The following ACACA variants were observed in gnomAD, a reference collection of about 807,000 sequenced individuals.
ACACA encodes acetyl-CoA carboxylase 1.
ACACA carries 103 observed loss-of-function variants against 296.1 expected under a neutral mutation model. The ratio of observed to expected loss-of-function variants is 0.35; its 90% CI spans 0.30 to 0.41. The LOEUF (loss-of-function observed/expected upper bound fraction) is 0.41, where lower values mean the gene tolerates loss of function less well. Ranked by LOEUF, ACACA falls within the 10% of genes least tolerant of loss-of-function variation. The pLI is 1.00. For synonymous variants in ACACA, 953 were observed against 1,038.6 expected, an observed-to-expected ratio of 0.92 and a Z score of 1.58; for missense variants, 1,554 against 2,989.7, an observed-to-expected ratio of 0.52 and a Z score of 11.20.
At chr17:37,224,816 GA>G (rs917384394) in intron 27 of ACACA, among the ~76,000 whole-genome samples, 175 bp downstream of exon 27, 3 of 151,720 alleles carry the variant, frequency 2.0e-5, no homozygotes, top group Non-Finnish European at 2.9e-5. Context: ...GCATTTGTAT[GA>G]AAAAAATATT....
At chr17:37,146,901 C>G (rs1373897534) in intron 45 of ACACA, among the ~76,000 whole-genome samples, 2 of 148,604 alleles carry the variant, frequency 1.3e-5, no homozygotes, top group Admixed American at 1.4e-4. Context: ...ATCAGGCGAT[C>G]ATGCACAATC....
chr17:37,245,885 C>A (rs1282607172), intron 19 of ACACA, among the ~76,000 whole-genome samples: 1 of 152,190 alleles, frequency 6.6e-6, no homozygotes, highest in Admixed American at 6.5e-5. Flanking sequence ...CATAACCTCA[C>A]ATTCAAGATC....
At chr17:37,363,320 T>C (rs1296345991) in intron 1 of ACACA, among the ~76,000 whole-genome samples, 1 of 151,374 alleles carries the variant, frequency 6.6e-6, no homozygotes, top group Non-Finnish European at 1.5e-5. Flanking sequence ...GTAGCTGGGA[T>C]TACTGGCGCG....
chr17:37,276,461 AAGG>A (rs1332310143), intron 7 of ACACA, among the ~76,000 whole-genome samples: 1 of 152,246 alleles, frequency 6.6e-6, no homozygotes, highest in African/African-American at 2.4e-5. Context: ...GGAACCCAAA[AAGG>A]AGACATCTTT....
intron 32 of ACACA, among the ~76,000 whole-genome samples, chr17:37,206,577 C>A (rs1362245261): frequency 6.6e-6 from 1 of 152,020 alleles, no homozygotes; most frequent in African/African-American, 2.4e-5. Context: ...CTATGGACTC[C>A]AAAATTAATA....
At chr17:37,301,050 T>G (rs2083593330) in intron 3 of ACACA, among the ~76,000 whole-genome samples, 1 of 152,002 alleles carries the variant, frequency 6.6e-6, no homozygotes, top group Non-Finnish European at 1.5e-5. Context: ...AGTTCACCAT[T>G]CAAAAATGCA....
At chr17:37,398,415 T>C (rs2051161453) in intron 1 of ACACA, among the ~76,000 whole-genome samples, 1 of 141,580 alleles carries the variant, frequency 7.1e-6, no homozygotes, top group African/African-American at 2.7e-5. Context: ...GCCTCCCGAG[T>C]AGCTGGGATT....
intron 29 of ACACA, among the ~76,000 whole-genome samples, chr17:37,212,896 C>A (rs1315456039): frequency 6.7e-6 from 1 of 148,268 alleles, no homozygotes; most frequent in Non-Finnish European, 1.5e-5. Flanking sequence ...TAGATTAACA[C>A]TCTGTACCAA....
At chr17:37,315,437 A>G (rs529022005) in intron 3 of ACACA, among the ~76,000 whole-genome samples, 8 of 152,090 alleles carry the variant, frequency 5.3e-5, no homozygotes, top group African/African-American at 7.2e-5. Context: ...GAGTCTCACA[A>G]TTGAATTCTT....
chr17:37,394,474 G>A (rs943576932), intron 1 of ACACA, among the ~76,000 whole-genome samples: 3 of 151,312 alleles, frequency 2.0e-5, no homozygotes, highest in African/African-American at 4.8e-5. Context: ...GCCTCACAAA[G>A]TGCTGGGGTA....
intron 3 of ACACA, among the ~76,000 whole-genome samples, chr17:37,307,424 G>C (rs1481489579): frequency 6.6e-6 from 1 of 152,040 alleles, no homozygotes; most frequent in Admixed American, 6.6e-5. Context: ...TTTTGGTTGG[G>C]CTATGTGTTT....
chr17:37,199,810 A>G (rs2078164607), intron 35 of ACACA, among the ~76,000 whole-genome samples: 1 of 134,494 alleles, frequency 7.4e-6, no homozygotes, highest in Non-Finnish European at 1.5e-5. Context: ...ATATATTGAG[A>G]ATTCATTATA....
intron 15 of ACACA, among the ~76,000 whole-genome samples, chr17:37,252,443 T>C (rs1012777194): frequency 4.6e-5 from 7 of 152,132 alleles, no homozygotes; most frequent in African/African-American, 1.7e-4. Flanking sequence ...AGAAAAACGG[T>C]GTATAGCCAA....
At chr17:37,317,387 G>A (rs955873947) in intron 3 of ACACA, among the ~76,000 whole-genome samples, 4 of 152,102 alleles carry the variant, frequency 2.6e-5, no homozygotes, top group East Asian at 1.9e-4. Flanking sequence ...GCAACAGGGC[G>A]AAACCCCGTC....
rs2073079351 is a variant in ACACA, at chr17:37,097,741, A to G, written c.6720+89T>C. The G allele has an allele frequency of 6.5e-7, 1 of 1,538,910 alleles. No individual in the cohort carries two copies. Among genetic ancestry groups the G allele is most frequent in the African/African-American group, 1.4e-5 (1 of 73,176 alleles). ...GAAGTTGTTTTAATTTGGCCCTCAT[A>G]GCTCCCTGCTTATGAGCCTGTGTGC... On this transcript the variant is annotated intron_variant, in intron 53 of 55. Transcript: ENST00000616317. The surrounding 1 kb of genome is among the most constrained non-coding windows in gnomAD (Gnocchi z 4.8).
At chr17:37,398,281 CTTTTTTTTTTT>C (rs777127866) in intron 1 of ACACA, among the ~76,000 whole-genome samples, 1 of 79,178 alleles carries the variant, frequency 1.3e-5, no homozygotes, top group Non-Finnish European at 2.2e-5. Flanking sequence ...TGTGGTATCA[CTTTTTTTTTTT>C]TTTTTTTTTT....
chr17:37,301,482 C>T (rs1317047376), intron 3 of ACACA: 17 of 766,704 alleles, frequency 2.2e-5, no homozygotes, highest in Admixed American at 6.3e-5. Flanking sequence ...GTGATGCATT[C>T]GCTAGCTTGA....
At chr17:37,275,495 C>CAAACAAAA (rs2082244162) in intron 8 of ACACA, among the ~76,000 whole-genome samples, 1 of 61,658 alleles carries the variant, frequency 1.6e-5, no homozygotes, top group Non-Finnish European at 3.6e-5. Flanking sequence ...GACTCCAACT[C>CAAACAAAA]AAAAAAAAAA....
chr17:37,206,562 C>G (rs1304539843), intron 32 of ACACA, among the ~76,000 whole-genome samples: 4 of 152,128 alleles, frequency 2.6e-5, no homozygotes, highest in Admixed American at 2.0e-4. Context: ...TGAGCCCACT[C>G]TATACTATGG....
Sources: allele counts gnomAD v4.1 joint callset (sites outside exome capture counted in the v4.1 genomes callset), GRCh38; gene constraint gnomAD v4.1.1; non-coding constraint Gnocchi (gnomAD v3.1); transcripts MANE v1.5; gene names NCBI Gene and HGNC (gene_info 2026-07-23, HGNC 2026-07-21).